The following IRAG1 variants were observed in gnomAD, a reference collection of about 807,000 sequenced individuals.
IRAG1 encodes the protein IP3R-associated cGMP kinase substrate.
In IRAG1, 62 loss-of-function variants were observed where a neutral mutation model predicts 106.2. The ratio of observed to expected loss-of-function variants is 0.58; its 90% confidence interval spans 0.48 to 0.72. The LOEUF is 0.72. Among genes scored for constraint, IRAG1 ranks in the 30% least tolerant of loss-of-function variants. IRAG1 has a pLI of 0.00. For missense variants in IRAG1, 1,064 were observed against 1,140.7 expected, an observed-to-expected ratio of 0.93 and a Z score of 0.97; for synonymous variants, 462 against 443.9, an observed-to-expected ratio of 1.04 and a Z score of -0.51.
intron 18 of IRAG1, among the ~76,000 whole-genome samples, chr11:10,583,221 A>C (rs1010933950): frequency 6.6e-6 from 1 of 152,194 alleles, no homozygotes; most frequent in African/African-American, 2.4e-5. Context: ...AGCCACGGGG[A>C]TAGACAAGAT....
chr11:10,603,119 C>T lies in IRAG1; in HGVS notation c.1875+1G>A, dbSNP rs1422260114. On this transcript the variant is annotated splice_donor_variant, in intron 14 of 20. Transcript: ENST00000423302. LOFTEE classifies it high-confidence loss of function. ...CAAGACCGGGGGCTGGAGAGACTCA[C>T]CTGGCGGACGGCGCCTACCACCTCA... is the stretch of plus-strand genomic sequence containing the variant. 4.4e-6 allele frequency: 7 copies of T among 1,608,984 alleles called. No individual in the cohort carries two copies. The highest frequency in any genetic ancestry group is 2.2e-5 in the East Asian group (1 of 44,718).
At chr11:10,612,828 G>C (rs79644506) in intron 10 of IRAG1, among the ~76,000 whole-genome samples, 7,510 of 152,148 alleles carry the variant, frequency 0.049, 410 homozygotes, top group African/African-American at 0.14. Context: ...AGAAATTAGA[G>C]TTGGGATGAG....
At position 10,627,597 on chromosome 11, in the gene IRAG1, C is replaced by T. The variant is rs1463357016; in HGVS notation, c.750+119G>A. On this transcript the variant is annotated intron_variant, in intron 8 of 20. Coordinates refer to ENST00000423302, the MANE Select transcript of IRAG1 (RefSeq NM_130385.4). ...ATCTGCTGTTTCCCCAGCCCTGACCCTCCACTCATACGTGTGCATGCACAC... is the reference window on the plus strand; with the variant it reads ...ATCTGCTGTTTCCCCAGCCCTGACCTTCCACTCATACGTGTGCATGCACAC... The T allele has an allele frequency of 1.0e-5, 11 of 1,048,064 alleles. No homozygotes were observed. In the Middle Eastern group the frequency reaches 6.1e-4, roughly 58 times the overall value. 64.9% of individuals were successfully genotyped at this position (1,048,064 alleles called of 1,614,324 possible). A position where few individuals can be genotyped will look rare whatever the true frequency, so the allele number is the denominator to read the frequency against.
At chr11:10,612,209 TG>T (rs1241537885) in intron 10 of IRAG1, among the ~76,000 whole-genome samples, 4 of 152,156 alleles carry the variant, frequency 2.6e-5, no homozygotes, top group African/African-American at 9.7e-5. Context: ...TGGGAAGCAT[TG>T]GGTCAAGTCT....
intron 18 of IRAG1, among the ~76,000 whole-genome samples, chr11:10,585,112 G>A (rs1290784258): frequency 6.6e-6 from 1 of 152,126 alleles, no homozygotes; most frequent in Non-Finnish European, 1.5e-5. Flanking sequence ...ACTTTCTCAG[G>A]TGCATGTCTA....
intron 2 of IRAG1, among the ~76,000 whole-genome samples, chr11:10,641,592 C>A (rs1396879871): frequency 1.3e-5 from 2 of 152,166 alleles, no homozygotes; most frequent in Admixed American, 1.3e-4. Flanking sequence ...GTTACTCAGG[C>A]CCACTGTGTG....
At position 10,591,513 on chromosome 11, in the gene IRAG1, A is replaced by T. The variant is rs770626345; in HGVS notation, c.2240+35T>A. ...TAAAATGGGGAAAATTTCCTGAGAG[A>T]TCCCTGAAGCCAAGAGGAAAATCGA... On this transcript the variant is annotated intron_variant, in intron 18 of 20. Coordinates refer to ENST00000423302, the MANE Select transcript of IRAG1 (RefSeq NM_130385.4). 8 of 1,553,068 alleles carry T rather than the reference A, an allele frequency of 5.2e-6. No individual in the cohort carries two copies. In the East Asian group the frequency reaches 1.4e-4, roughly 27 times the overall value.
chr11:10,594,010 G>T, intron 16 of IRAG1, 136 bp downstream of exon 16: 1 of 823,250 alleles, frequency 1.2e-6, no homozygotes, highest in Non-Finnish European at 1.9e-6. Context: ...ACTTGAGAGT[G>T]TGGAAAGCCG....
intron 10 of IRAG1, among the ~76,000 whole-genome samples, chr11:10,615,435 T>C (rs200998444): frequency 6.6e-6 from 1 of 152,060 alleles, no homozygotes; most frequent in African/African-American, 2.4e-5. Context: ...TTACTGGATA[T>C]ATACCCAAAG....
intron 1 of IRAG1, among the ~76,000 whole-genome samples, chr11:10,692,833 C>T (rs1862166648): frequency 6.6e-6 from 1 of 152,202 alleles, no homozygotes; most frequent in Admixed American, 6.5e-5. Context: ...CTGGCTTCCA[C>T]TGGCTTTTCC....
chr11:10,597,352 G>A (rs1853440203), intron 15 of IRAG1, among the ~76,000 whole-genome samples: 1 of 152,078 alleles, frequency 6.6e-6, no homozygotes, highest in Admixed American at 6.6e-5. Flanking sequence ...GTTAGAGACG[G>A]TCTCACTCTG....
chr11:10,631,118 A>G (rs1005183205), intron 4 of IRAG1, among the ~76,000 whole-genome samples: 1 of 152,250 alleles, frequency 6.6e-6, no homozygotes, highest in Non-Finnish European at 1.5e-5. Context: ...CAAGAGATGG[A>G]ATGGGACAAT....
At chr11:10,630,023 C>T in intron 4 of IRAG1, 1 of 311,338 alleles carries the variant, frequency 3.2e-6, no homozygotes, top group Non-Finnish European at 6.0e-6. Flanking sequence ...ACCATCTGCG[C>T]CCCCAGTGCA....
chr11:10,593,808 G>A (rs114758648), intron 16 of IRAG1: 22,433 of 581,458 alleles, frequency 0.039, 604 homozygotes, highest in South Asian at 0.057. Flanking sequence ...CGCTCAATCT[G>A]TTCTATTTTA....
intron 1 of IRAG1, among the ~76,000 whole-genome samples, chr11:10,658,194 C>T (rs746608588): frequency 3.3e-4 from 50 of 152,320 alleles, no homozygotes; most frequent in African/African-American, 1.1e-3. Context: ...CTGGGTTCCG[C>T]GACTCCACAA....
chr11:10,629,143 G>A (rs1429785600), intron 5 of IRAG1, among the ~76,000 whole-genome samples: 2 of 152,168 alleles, frequency 1.3e-5, no homozygotes, highest in African/African-American at 4.8e-5. Context: ...TCCAGAGGCT[G>A]CTCCTTCTCG....
At chr11:10,649,051 C>T (rs1466460269) in intron 2 of IRAG1, among the ~76,000 whole-genome samples, 6 of 152,178 alleles carry the variant, frequency 3.9e-5, no homozygotes, top group Non-Finnish European at 5.9e-5. Context: ...CCAGCCGAGT[C>T]ATCCTGGCCA....
intron 11 of IRAG1, among the ~76,000 whole-genome samples, chr11:10,607,230 C>A (rs1854551097): frequency 6.6e-6 from 1 of 152,138 alleles, no homozygotes; most frequent in Non-Finnish European, 1.5e-5. Context: ...ATCTAAGTTG[C>A]CATTATAATT....
chr11:10,606,758 GTGAGT>G lies in IRAG1; in HGVS notation c.1581_1585del (p.Leu528Ter). 1 of 1,593,798 alleles carries G rather than the reference GTGAGT, an allele frequency of 6.3e-7. No individual in the cohort carries two copies. The highest frequency in any genetic ancestry group is 8.6e-7 in the Non-Finnish European group (1 of 1,169,324). ...GTCACTTACCTCAACTTCCTTTTCA[GTGAGT>G]GGAGGGGCACTGTGAAAAAGAAAAC... On this transcript the variant is annotated frameshift_variant, in exon 12 of 21. Coordinates refer to ENST00000423302, the MANE Select transcript of IRAG1 (RefSeq NM_130385.4). LOFTEE classifies it high-confidence loss of function.
Sources: allele counts gnomAD v4.1 joint callset (sites outside exome capture counted in the v4.1 genomes callset), GRCh38; gene constraint gnomAD v4.1.1; transcripts MANE v1.5; gene names NCBI Gene and HGNC (gene_info 2026-07-23, HGNC 2026-07-21).